NRXN3: variants seen among roughly 807,000 people sequenced by gnomAD.
The protein encoded by NRXN3 is neurexin III.
In NRXN3, 32 loss-of-function variants were observed where a neutral mutation model predicts 137.6. The observed-to-expected ratio is 0.23, with a 90% CI of 0.18 to 0.31. The LOEUF is 0.31. Ranked by LOEUF, NRXN3 falls within the 10% of genes least tolerant of loss-of-function variation. NRXN3 has a pLI of 1.00. For synonymous variants in NRXN3, 798 were observed against 784.5 expected (o/e 1.02, Z -0.29); for missense variants, 1,574 against 2,062.5 (o/e 0.76, Z 4.59).
At chr14:79,293,531 T>G (rs1367203656) in intron 15 of NRXN3, among the ~76,000 whole-genome samples, 3 of 152,272 alleles carry the variant, frequency 2.0e-5, no homozygotes, top group African/African-American at 7.2e-5. Flanking sequence ...CTTCGCTGTT[T>G]AGTCTCTTTC....
chr14:78,963,138 G>A (rs780374150), intron 11 of NRXN3, among the ~76,000 whole-genome samples: 4 of 151,304 alleles, frequency 2.6e-5, no homozygotes, highest in Admixed American at 1.3e-4. Flanking sequence ...CCACATCCAC[G>A]CTCAGTCTCT....
rs539991405 is a variant in NRXN3 at position 78,223,926 on chromosome 14, G to A, written c.-703-18465G>A. Among the ~76,000 whole-genome samples, 183 of 152,296 alleles carry A rather than the reference G, an allele frequency of 1.2e-3. 1 individual carries two copies. Among genetic ancestry groups the A allele is most frequent in the Non-Finnish European group, 2.2e-3 (151 of 68,024 alleles). On this transcript the variant is annotated intron_variant, in intron 1 of 20. Coordinates refer to ENST00000335750, the MANE Select transcript of NRXN3 (RefSeq NM_001330195.2). ...ATTGGGACACTCTGGCTGCCCAGGC[G>A]TATTGAGAATGGCCATGGATGGTTG...
At chr14:78,830,843 A>G (rs1165044442) in intron 10 of NRXN3, among the ~76,000 whole-genome samples, 2 of 152,168 alleles carry the variant, frequency 1.3e-5, no homozygotes, top group African/African-American at 4.8e-5. Context: ...TTTCCATTTT[A>G]TATGCCACAT....
At chr14:78,445,123 C>T (rs2153700243) in intron 4 of NRXN3, among the ~76,000 whole-genome samples, 1 of 152,194 alleles carries the variant, frequency 6.6e-6, no homozygotes, top group East Asian at 1.9e-4. Context: ...TCCTGTTAGG[C>T]TTTGCTGAGC....
At chr14:78,346,998 T>C (rs923910338) in intron 4 of NRXN3, among the ~76,000 whole-genome samples, 1 of 152,154 alleles carries the variant, frequency 6.6e-6, no homozygotes, top group Non-Finnish European at 1.5e-5. Flanking sequence ...AGTAATGTGA[T>C]AGAGGGTGCA....
intron 1 of NRXN3, among the ~76,000 whole-genome samples, chr14:78,189,377 G>T (rs1249924196): frequency 6.6e-6 from 1 of 152,078 alleles, no homozygotes; most frequent in Non-Finnish European, 1.5e-5. Context: ...CTGGCCTCCT[G>T]TTCCACTCTG....
chr14:79,488,835 T>C (rs2096682921), intron 16 of NRXN3, among the ~76,000 whole-genome samples: 1 of 152,138 alleles, frequency 6.6e-6, no homozygotes, highest in Non-Finnish European at 1.5e-5. Context: ...TAGAATGATC[T>C]CTTTGGGGGA....
chr14:79,121,581 A>G (rs1195542960), intron 15 of NRXN3, among the ~76,000 whole-genome samples: 4 of 152,066 alleles, frequency 2.6e-5, no homozygotes. Context: ...ATCTCGTTTT[A>G]TAAAATGGCA....
intron 8 of NRXN3, among the ~76,000 whole-genome samples, chr14:78,724,755 G>C (rs2098475434): frequency 6.6e-6 from 1 of 152,092 alleles, no homozygotes; most frequent in Non-Finnish European, 1.5e-5. Context: ...TGAAATGTTG[G>C]CAACTGATTT....
At chr14:78,719,659 T>A (rs1322961443) in intron 8 of NRXN3, among the ~76,000 whole-genome samples, 1 of 152,100 alleles carries the variant, frequency 6.6e-6, no homozygotes, top group Non-Finnish European at 1.5e-5. Context: ...CTGTCCAACA[T>A]GGCAAAACCC....
intron 4 of NRXN3, among the ~76,000 whole-genome samples, chr14:78,320,195 A>G (rs1199345833): frequency 2.6e-5 from 4 of 152,204 alleles, no homozygotes; most frequent in African/African-American, 7.2e-5. Flanking sequence ...CCCAGGGACT[A>G]ATCCAGTAAC....
At position 79,807,038 on chromosome 14, in the gene NRXN3, C is replaced by T. The variant is rs377458898; in HGVS notation, c.4093+1848C>T. Among the ~76,000 whole-genome samples the T allele has an allele frequency of 1.5e-4, 17 of 116,646 alleles. No individual in the cohort carries two copies. In the East Asian group the frequency reaches 2.1e-3, roughly 14 times the overall value. 76.5% of individuals were successfully genotyped at this position (116,646 alleles called of 152,430 possible). A position where few individuals can be genotyped will look rare whatever the true frequency, so the allele number is the denominator to read the frequency against. On this transcript the variant is annotated intron_variant, in intron 20 of 20. Coordinates refer to ENST00000335750, the MANE Select transcript of NRXN3 (RefSeq NM_001330195.2). ...TGTCACCTAGGCTGGAGTGCAGTGG[C>T]GTGTTTATAGCTCGCTGCAGCCTTA...
At chr14:78,587,966 A>G (rs890325156) in intron 4 of NRXN3, among the ~76,000 whole-genome samples, 2 of 152,070 alleles carry the variant, frequency 1.3e-5, no homozygotes, top group Non-Finnish European at 2.9e-5. Context: ...CTAATTTTTT[A>G]CTTTTAACTT....
At chr14:79,633,696 T>G (rs1004091639) in intron 16 of NRXN3, among the ~76,000 whole-genome samples, 2 of 152,188 alleles carry the variant, frequency 1.3e-5, no homozygotes, top group East Asian at 1.9e-4. Flanking sequence ...AGACACATAA[T>G]AAGACTCTCT....
chr14:78,257,321 A>C (rs2069812907), intron 2 of NRXN3, among the ~76,000 whole-genome samples: 1 of 152,226 alleles, frequency 6.6e-6, no homozygotes, highest in Non-Finnish European at 1.5e-5. Context: ...CACTACATGG[A>C]TATCTGTAAT....
chr14:79,190,018 T>C (rs1597067567), intron 15 of NRXN3, among the ~76,000 whole-genome samples: 1 of 152,268 alleles, frequency 6.6e-6, no homozygotes, highest in African/African-American at 2.4e-5. Context: ...CATTTTGGAA[T>C]TGGGTGATAT....
At chr14:79,753,715 T>C (rs987513427) in intron 19 of NRXN3, among the ~76,000 whole-genome samples, 1 of 150,548 alleles carries the variant, frequency 6.6e-6, no homozygotes, top group African/African-American at 2.4e-5. Context: ...AAACTTAAAG[T>C]ATAATAATAA....
intron 15 of NRXN3, among the ~76,000 whole-genome samples, chr14:79,461,427 G>C (rs1188951063): frequency 1.3e-5 from 2 of 152,122 alleles, no homozygotes; most frequent in African/African-American, 2.4e-5. Context: ...TTAATTCTAT[G>C]GCAATATAAG....
At chr14:78,333,605 A>C (rs1475366904) in intron 4 of NRXN3, among the ~76,000 whole-genome samples, 3 of 152,144 alleles carry the variant, frequency 2.0e-5, no homozygotes, top group African/African-American at 7.2e-5. Flanking sequence ...GATGGAAAAC[A>C]ATTTCCTATA....
Sources: gnomAD v4.1 joint callset for allele counts (sites outside exome capture counted in the v4.1 genomes callset) on GRCh38, gnomAD v4.1.1 for gene constraint, MANE v1.5 for transcripts, NCBI Gene and HGNC (gene_info 2026-07-23, HGNC 2026-07-21) for gene names.